The following PAPOLB variants were observed in gnomAD, a reference collection of about 807,000 sequenced individuals.
PAPOLB encodes the protein poly(A) polymerase beta, also known as PAP-beta.
PAPOLB carries 19 observed loss-of-function variants against 23.2 expected under a neutral mutation model. The observed-to-expected ratio is 0.82, with a 90% CI of 0.57 to 1.20. The LOEUF (loss-of-function observed/expected upper bound fraction) is 1.20. Among genes scored for constraint, PAPOLB ranks in the 50% most tolerant of loss-of-function variants. The pLI, the probability that PAPOLB is intolerant of heterozygous loss-of-function variation, is 0.00. For missense variants in PAPOLB, 822 were observed against 776.8 expected (o/e 1.06, Z -0.69); for synonymous variants, 360 against 290.7 (o/e 1.24, Z -2.43).
In PAPOLB at chr7:4,861,793, C is replaced by G; in HGVS notation, c.18G>C (p.Val6=). ...CCGGCTGCGGTGGTCCCTGGGTTGTCACCGGAAACGGCATCATCTTTCAGC... is the reference window on the plus strand; with the variant it reads ...CCGGCTGCGGTGGTCCCTGGGTTGTGACCGGAAACGGCATCATCTTTCAGC... MMPFP[V]TTQGPPQPAP... is the part of the protein sequence containing the mutation. The change falls in exon 1 of 1, where the codon GTG becomes GTC. Residue 6 remains valine (V), a synonymous_variant. Coordinates refer to ENST00000404991, the MANE Select transcript of PAPOLB (RefSeq NM_020144.5). 2.8e-6 allele frequency: 4 copies of G among 1,449,136 alleles called. No homozygotes were observed. Among genetic ancestry groups the G allele is most frequent in the Non-Finnish European group, 3.6e-6 (4 of 1,104,872 alleles). The allele number at this position is 1,449,136 out of a possible 1,614,324, so 89.8% of individuals were successfully genotyped here.
chr7:4,861,733 A>G lies in PAPOLB; in HGVS notation c.78T>C (p.Pro26=). ...PPPNRYGVSS[P]ISLAVPKETD... is the part of the protein sequence containing the mutation. ...TCTCCTTGGGGACCGCTAGACTGAT[A>G]GGCGAGGAGACGCCGTAGCGATTCG... The change falls in exon 1 of 1, where the codon CCT becomes CCC. Residue 26 remains proline (P), a synonymous_variant. Transcript: ENST00000404991. 6.6e-7 allele frequency: 1 copy of G among 1,518,416 alleles called. No individual in the cohort carries two copies. Among genetic ancestry groups the G allele is most frequent in the African/African-American group, 1.4e-5 (1 of 71,384 alleles). 94.1% of individuals were successfully genotyped at this position (1,518,416 alleles called of 1,614,324 possible).
In PAPOLB at chr7:4,859,870, G is replaced by A; in HGVS notation, c.*27C>T. The A allele has an allele frequency of 1.4e-6, 2 of 1,463,772 alleles. No individual in the cohort carries two copies. The highest frequency in any genetic ancestry group is 2.5e-5 in the South Asian group (2 of 81,618). 90.7% of individuals were successfully genotyped at this position (1,463,772 alleles called of 1,614,324 possible). On this transcript the variant is annotated 3_prime_UTR_variant, in exon 1 of 1. Transcript: ENST00000404991. Reference sequence around the variant, plus strand: ...GTTTTCTTGGTCCTTTCTTCTTTATGAGGCAAGAATATCCTCTAGACTCCA... The same window carrying A: ...GTTTTCTTGGTCCTTTCTTCTTTATAAGGCAAGAATATCCTCTAGACTCCA...
In PAPOLB at chr7:4,857,903, A is replaced by C. The variant is rs908139870; in HGVS notation, c.*1994T>G. ...GTCTGACATTCAGGTAATAAAAATT[A>C]GAAATAAAAAGTCCCAAGGTTCCAG... is the stretch of plus-strand genomic sequence containing the variant. On this transcript the variant is annotated 3_prime_UTR_variant, in exon 1 of 1. Transcript: ENST00000404991. 1 of 152,666 alleles carries C rather than the reference A, an allele frequency of 6.6e-6. No homozygotes were observed. The highest frequency in any genetic ancestry group is 2.4e-5 in the African/African-American group (1 of 41,472). The allele number at this position is 152,666 out of a possible 1,614,324, so 9.5% of individuals were successfully genotyped here. A position where few individuals can be genotyped will look rare whatever the true frequency, so the allele number is the denominator to read the frequency against.
rs1380120241 is a variant in PAPOLB at position 4,861,819 on chromosome 7, G to A, written c.-9C>T. 6.9e-6 allele frequency: 9 copies of A among 1,308,382 alleles called. No individual in the cohort carries two copies. Among genetic ancestry groups the A allele is most frequent in the Non-Finnish European group, 8.7e-6 (9 of 1,031,498 alleles). The allele number at this position is 1,308,382 out of a possible 1,614,324, so 81.0% of individuals were successfully genotyped here. On this transcript the variant is annotated 5_prime_UTR_variant, in exon 1 of 1. Coordinates refer to ENST00000404991, the MANE Select transcript of PAPOLB (RefSeq NM_020144.5). ...ACCGGAAACGGCATCATCTTTCAGC[G>A]CCCGCCCCGCCAGGGCACGTCCCCC...
At position 4,860,817 on chromosome 7, in the gene PAPOLB, T is replaced by C. The variant is rs370015081; in HGVS notation, c.994A>G (p.Ile332Val). 27 of 1,614,078 alleles carry C rather than the reference T, an allele frequency of 1.7e-5. No homozygotes were observed. The highest frequency in any genetic ancestry group is 5.3e-5 in the African/African-American group (4 of 74,936). The change falls in exon 1 of 1, where the codon ATT (isoleucine) becomes GTT (valine). Residue 332 changes from isoleucine (I) to valine (V), a missense_variant. Ile to Val is a conservative substitution (Grantham distance 29, BLOSUM62 3). This residue lies in a region of PAPOLB where 534 missense variants were observed against 502.8 expected (regional missense o/e 1.06). Transcript: ENST00000404991. ...TCAATCATGACCATCCTGGTTGAAA[T>C]AGACACGTTGTATGTGGAGTTCTGC... Reference protein sequence around the residue: ...PQQNSTYNVSISTRMVMIEEF... With the variant: ...PQQNSTYNVSVSTRMVMIEEF...
In PAPOLB at chr7:4,860,149, AC is replaced by A; in HGVS notation, c.1661del (p.Gly554ValfsTer9). On this transcript the variant is annotated frameshift_variant, in exon 1 of 1. Coordinates refer to ENST00000404991, the MANE Select transcript of PAPOLB (RefSeq NM_020144.5). ...TTACAGCCAAGGCAGGACTGTTTCTACCCTGAGAACTGCTAATCAATGGGCC... is the reference window on the plus strand; with the variant it reads ...TTACAGCCAAGGCAGGACTGTTTCTACCTGAGAACTGCTAATCAATGGGCC... ...KTGPLISSSQGRNSPALAVMT... is the reference protein window; with the variant it reads ...KTGPLISSSQXRNSPALAVMT... 3 of 1,614,004 alleles carry A rather than the reference AC, an allele frequency of 1.9e-6. No homozygotes were observed. Among genetic ancestry groups the A allele is most frequent in the Non-Finnish European group, 2.5e-6 (3 of 1,179,874 alleles).
In PAPOLB at chr7:4,860,162, C is replaced by T. The variant is rs201222213; in HGVS notation, c.1649G>A (p.Ser550Asn). 1.0e-4 allele frequency: 169 copies of T among 1,613,970 alleles called. 1 individual carries two copies. The African/African-American group carries it at 1.8e-3, about 17-fold the overall frequency. The part of the protein sequence containing the change: ...TSTMKTGPLI[S>N]SSQGRNSPAL... ...AGGACTGTTTCTACCCTGAGAACTG[C>T]TAATCAATGGGCCTGTCTTCATAGT... The change falls in exon 1 of 1, where the codon AGC (serine) becomes AAC (asparagine). Residue 550 changes from serine (S) to asparagine (N), a missense_variant. Coordinates refer to ENST00000404991, the MANE Select transcript of PAPOLB (RefSeq NM_020144.5).
Position 4,860,403 on chromosome 7 carries a change from T to C in PAPOLB, c.1408A>G (p.Arg470Gly), listed in dbSNP as rs1487736703. 3.7e-6 allele frequency: 6 copies of C among 1,613,638 alleles called. No homozygotes were observed. Among genetic ancestry groups the C allele is most frequent in the Non-Finnish European group, 5.1e-6 (6 of 1,179,608 alleles). ...DIQSFTDTVY[R>G]QAVNSKMFEM... is the part of the protein sequence containing the mutation. ...AACATCTTACTATTCACTGCTTGCC[T>C]ATAAACAGTATCTGTGAAAGACTGG... is the stretch of plus-strand genomic sequence containing the variant. Residue 470 changes from arginine to glycine, a missense_variant, in exon 1 of 1, where the codon AGG becomes GGG. By Grantham distance (125) the Arg-to-Gly change is moderately radical (BLOSUM62 -2). Coordinates refer to ENST00000404991, the MANE Select transcript of PAPOLB (RefSeq NM_020144.5).
Position 4,859,074 on chromosome 7 carries a change from C to A in PAPOLB, c.*823G>T, listed in dbSNP as rs1486723898. ...CCAAAGACCTACTAATGGTTGATGT[C>A]AAAAACATACCTTAAAGTTGACATT... On this transcript the variant is annotated 3_prime_UTR_variant, in exon 1 of 1. Transcript: ENST00000404991. The A allele has an allele frequency of 6.6e-6, 1 of 152,092 alleles. No individual in the cohort carries two copies. Among genetic ancestry groups the A allele is most frequent in the African/African-American group, 2.4e-5 (1 of 41,416 alleles). The allele number at this position is 152,092 out of a possible 1,614,324, so 9.4% of individuals were successfully genotyped here.
In PAPOLB at chr7:4,861,769, C is replaced by T. The variant is rs763947119; in HGVS notation, c.42G>A (p.Pro14=). ...FPVTTQGPPQ[P]APPPNRYGVS... ...CGCCGTAGCGATTCGGCGGCGGCGC[C>T]GGCTGCGGTGGTCCCTGGGTTGTCA... is the stretch of plus-strand genomic sequence containing the variant. Residue 14 remains proline, a synonymous_variant, in exon 1 of 1, where the codon CCG becomes CCA. Coordinates refer to ENST00000404991, the MANE Select transcript of PAPOLB (RefSeq NM_020144.5). The T allele has an allele frequency of 6.7e-7, 1 of 1,486,316 alleles. No individual in the cohort carries two copies. The highest frequency in any genetic ancestry group is 2.3e-5 in the East Asian group (1 of 42,624). The allele number at this position is 1,486,316 out of a possible 1,614,324, so 92.1% of individuals were successfully genotyped here.
Position 4,860,258 on chromosome 7 carries a change from T to C in PAPOLB, c.1553A>G (p.Asp518Gly). The C allele has an allele frequency of 6.2e-7, 1 of 1,613,982 alleles. No homozygotes were observed. Among genetic ancestry groups the C allele is most frequent in the Non-Finnish European group, 8.5e-7 (1 of 1,179,876 alleles). The change falls in exon 1 of 1, where the codon GAT becomes GGT. Residue 518 changes from aspartate to glycine, a missense_variant. By Grantham distance (94) the Asp-to-Gly change is moderately conservative. Coordinates refer to ENST00000404991, the MANE Select transcript of PAPOLB (RefSeq NM_020144.5). ...AHSTEGRRLT[D>G]LNDSSFDLSA... is the part of the protein sequence containing the mutation. ...CAAGTCAAAGCTGCTGTCGTTCAAA[T>C]CTGTCAATCTTCTACCTTCTGTTGA...
chr7:4,860,978 G>T lies in PAPOLB; in HGVS notation c.833C>A (p.Ser278Ter). Reference sequence around the variant, plus strand: ...CACTGGGTTTGGCCATTCCCATTCTGAAAATACCAAGAAGAATTTCCGTAC... The same window carrying T: ...CACTGGGTTTGGCCATTCCCATTCTTAAAATACCAAGAAGAATTTCCGTAC... ...TLVRKFFLVFSEWEWPNPVLL... is the reference protein window; with the variant it reads ...TLVRKFFLVF The change falls in exon 1 of 1, where the codon TCA becomes TAA. Residue 278 changes from serine (S) to a stop codon, truncating the protein, a stop_gained. Transcript: ENST00000404991. LOFTEE classifies it high-confidence loss of function. The T allele has an allele frequency of 6.2e-7, 1 of 1,614,144 alleles. No individual in the cohort carries two copies. The highest frequency in any genetic ancestry group is 8.5e-7 in the Non-Finnish European group (1 of 1,180,022).
chr7:4,859,877 G>T lies in PAPOLB; in HGVS notation c.*20C>A, dbSNP rs192465330. 3.9e-5 allele frequency: 59 copies of T among 1,511,194 alleles called. No homozygotes were observed. The Admixed American group carries it at 1.1e-3, about 27-fold the overall frequency. The allele number at this position is 1,511,194 out of a possible 1,614,324, so 93.6% of individuals were successfully genotyped here. A position where few individuals can be genotyped will look rare whatever the true frequency, so the allele number is the denominator to read the frequency against. ...TGGTCCTTTCTTCTTTATGAGGCAA[G>T]AATATCCTCTAGACTCCAACTATAG... On this transcript the variant is annotated 3_prime_UTR_variant, in exon 1 of 1. Transcript: ENST00000404991.
At position 4,861,168 on chromosome 7, in the gene PAPOLB, C is replaced by G. The variant is rs765105667; in HGVS notation, c.643G>C (p.Val215Leu). 2 of 1,614,214 alleles carry G rather than the reference C, an allele frequency of 1.2e-6. No individual in the cohort carries two copies. The highest frequency in any genetic ancestry group is 1.7e-6 in the Non-Finnish European group (2 of 1,180,044). Reference protein sequence around the residue: ...CRVTDEILHLVPNIDNFRLTL... With the variant: ...CRVTDEILHLLPNIDNFRLTL... ...AGCCTGAAGTTGTCAATGTTTGGCA[C>G]TAGATGTAAAATTTCATCGGTTACC... Residue 215 changes from valine (V) to leucine (L), a missense_variant, in exon 1 of 1, where the codon GTG (valine) becomes CTG (leucine). Around this residue, in one of 3 missense-constraint regions of PAPOLB, gnomAD observed 12 missense variants for 30.1 expected, o/e 0.40. Transcript: ENST00000404991.
chr7:4,861,158 A>G lies in PAPOLB; in HGVS notation c.653T>C (p.Ile218Thr). Residue 218 changes from isoleucine (I) to threonine (T), a missense_variant, in exon 1 of 1, where the codon ATT becomes ACT. This residue lies in a region of PAPOLB where 534 missense variants were observed against 502.8 expected (regional missense o/e 1.06). Coordinates refer to ENST00000404991, the MANE Select transcript of PAPOLB (RefSeq NM_020144.5). ...TCTCAGAGTCAGCCTGAAGTTGTCAATGTTTGGCACTAGATGTAAAATTTC... is the reference window on the plus strand; with the variant it reads ...TCTCAGAGTCAGCCTGAAGTTGTCAGTGTTTGGCACTAGATGTAAAATTTC... ...TDEILHLVPN[I>T]DNFRLTLRAI... is the part of the protein sequence containing the mutation. 1.9e-6 allele frequency: 3 copies of G among 1,614,242 alleles called. No homozygotes were observed. The highest frequency in any genetic ancestry group is 2.2e-5 in the South Asian group (2 of 91,088).
At position 4,858,713 on chromosome 7, in the gene PAPOLB, G is replaced by T. The variant is rs779039805; in HGVS notation, c.*1184C>A. The T allele has an allele frequency of 6.6e-6, 1 of 152,542 alleles. No homozygotes were observed. 9.4% of individuals were successfully genotyped at this position (152,542 alleles called of 1,614,324 possible). ...TCCAAGATCAGAAACATATCTCATAGACATTACATTTAGTAAAGTTTTGCT... is the reference window on the plus strand; with the variant it reads ...TCCAAGATCAGAAACATATCTCATATACATTACATTTAGTAAAGTTTTGCT... On this transcript the variant is annotated 3_prime_UTR_variant, in exon 1 of 1. Transcript: ENST00000404991.
rs1057175881 is a variant in PAPOLB, at chr7:4,859,190, T to C, written c.*707A>G. 2.0e-5 allele frequency: 3 copies of C among 152,594 alleles called. No individual in the cohort carries two copies. Among genetic ancestry groups the C allele is most frequent in the Middle Eastern group, 3.2e-3 (1 of 316 alleles). 9.5% of individuals were successfully genotyped at this position (152,594 alleles called of 1,614,324 possible). ...AGTACAGTACACCGCTGCACAATGG[T>C]ATCCAATTTTAAGATTAATAGTGAA... On this transcript the variant is annotated 3_prime_UTR_variant, in exon 1 of 1. Coordinates refer to ENST00000404991, the MANE Select transcript of PAPOLB (RefSeq NM_020144.5).
At position 4,860,548 on chromosome 7, in the gene PAPOLB, T is replaced by A. The variant is rs763052915; in HGVS notation, c.1263A>T (p.Ser421=). The A allele has an allele frequency of 6.2e-7, 1 of 1,614,222 alleles. No individual in the cohort carries two copies. The highest frequency in any genetic ancestry group is 1.7e-5 in the Admixed American group (1 of 60,022). The change falls in exon 1 of 1, where the codon TCA becomes TCT. Residue 421 remains serine, a synonymous_variant. Transcript: ENST00000404991. ...FITLAHVNPQ[S]FPAPKENPDM... ...CAGGATTTTCTTTGGGTGCTGGAAA[T>A]GACTGTGGATTCACATGTGCCAGTG...
Position 4,859,862 on chromosome 7 carries a change from T to G in PAPOLB, c.*35A>C. The G allele has an allele frequency of 7.0e-7, 1 of 1,436,580 alleles. No individual in the cohort carries two copies. Among genetic ancestry groups the G allele is most frequent in the Non-Finnish European group, 9.6e-7 (1 of 1,042,530 alleles). 89.0% of individuals were successfully genotyped at this position (1,436,580 alleles called of 1,614,324 possible). A position where few individuals can be genotyped will look rare whatever the true frequency, so the allele number is the denominator to read the frequency against. ...CCGTTTTGGTTTTCTTGGTCCTTTC[T>G]TCTTTATGAGGCAAGAATATCCTCT... On this transcript the variant is annotated 3_prime_UTR_variant, in exon 1 of 1. Transcript: ENST00000404991.
Sources: allele counts gnomAD v4.1 joint callset, GRCh38; gene constraint gnomAD v4.1.1; regional missense constraint gnomAD v4.1.1; transcripts MANE v1.5; gene names NCBI Gene and HGNC (gene_info 2026-07-23, HGNC 2026-07-21).